Variants in PSMA1 observed in about 807,000 individuals in gnomAD.
PSMA1 encodes the protein proteasome 20S subunit alpha 1, also known as proteasome subunit alpha type-1.
PSMA1 carries 3 observed loss-of-function variants against 38.4 expected under a neutral mutation model. The ratio of observed to expected loss-of-function variants is 0.08; its 90% CI spans 0.04 to 0.20. The LOEUF (loss-of-function observed/expected upper bound fraction) is 0.20. Among genes scored for constraint, PSMA1 ranks in the 10% least tolerant of loss-of-function variants. The pLI is 1.00. For synonymous variants in PSMA1, 101 were observed against 107.1 expected (o/e 0.94, Z 0.35); for missense variants, 227 against 325.3 (o/e 0.70, Z 2.32).
intron 1 of PSMA1, among the ~76,000 whole-genome samples, chr11:14,615,841 C>T (rs1312088617): frequency 6.6e-6 from 1 of 152,086 alleles, no homozygotes. Context: ...GATCTGAATC[C>T]AGGGAAAGAA....
intron 1 of PSMA1, among the ~76,000 whole-genome samples, chr11:14,615,068 C>T (rs930375371): frequency 1.3e-5 from 2 of 152,160 alleles, no homozygotes; most frequent in African/African-American, 4.8e-5. Context: ...AATGGGATTG[C>T]TTGTCTGAAT....
upstream of PSMA1, among the ~76,000 whole-genome samples, chr11:14,521,052 A>G (rs1012381621): frequency 2.6e-5 from 4 of 152,160 alleles, no homozygotes; most frequent in South Asian, 2.1e-4. Context: ...GGTACCTGAC[A>G]GATTAGGCCA....
At chr11:14,536,885 G>T (rs1291344807) in intron 2 of PSMA1, among the ~76,000 whole-genome samples, 1 of 152,248 alleles carries the variant, frequency 6.6e-6, no homozygotes, top group African/African-American at 2.4e-5. Flanking sequence ...GAAGTGCTGG[G>T]ATTACAGGCG....
intron 1 of PSMA1, among the ~76,000 whole-genome samples, chr11:14,622,550 A>T (rs1852860346): frequency 6.6e-6 from 1 of 152,212 alleles, no homozygotes; most frequent in South Asian, 2.1e-4. Context: ...ACTTCAATGA[A>T]GTGTTTTAGG....
intron 2 of PSMA1, among the ~76,000 whole-genome samples, chr11:14,592,376 CTATATATA>C (rs71044013): frequency 4.1e-5 from 5 of 122,376 alleles, no homozygotes; most frequent in African/African-American, 1.6e-4. Context: ...CTCTCTCTCT[CTATATATA>C]TATATATATA....
chr11:14,584,089 A>G (rs1013917787), intron 2 of PSMA1, among the ~76,000 whole-genome samples: 3 of 152,208 alleles, frequency 2.0e-5, no homozygotes, highest in African/African-American at 7.2e-5. Context: ...AAAAAATTCT[A>G]TATTGGATCA....
chr11:14,633,069 G>C (rs1449874037), intron 1 of PSMA1, among the ~76,000 whole-genome samples: 2 of 151,424 alleles, frequency 1.3e-5, no homozygotes, highest in Admixed American at 1.3e-4. Context: ...CAACTTCTTT[G>C]CCTTTGGTTT....
intron 2 of PSMA1, chr11:14,610,839 T>C (rs1259926468): frequency 1.3e-5 from 12 of 940,426 alleles, no homozygotes; most frequent in Non-Finnish European, 1.7e-5. Context: ...TTTTTCTCTT[T>C]TTGTTTTCTA....
chr11:14,601,226 G>T (rs780879963), intron 2 of PSMA1, among the ~76,000 whole-genome samples: 1 of 152,140 alleles, frequency 6.6e-6, no homozygotes, highest in Admixed American at 6.5e-5. Flanking sequence ...TGCCTAAACT[G>T]GGGGGAGTGG....
intron 2 of PSMA1, among the ~76,000 whole-genome samples, chr11:14,544,935 G>A (rs547391013): frequency 1.1e-4 from 16 of 152,350 alleles, no homozygotes; most frequent in African/African-American, 3.4e-4. Context: ...ACCTAAACGT[G>A]CATCAACATT....
In PSMA1 at chr11:14,629,400, T is replaced by C. The variant is rs1446594102; in HGVS notation, c.-166+14055A>G. ...TTTCTACATATGGCTAGCCAGTTTT[T>C]CCAGCACCATTTATTAAATAGGGAA... On this transcript the variant is annotated intron_variant, in intron 1 of 10. Coordinates refer to the PSMA1 transcript ENST00000418988. 2.8e-3 allele frequency among the ~76,000 whole-genome samples: 421 copies of C among 152,186 alleles called. 2 individuals are homozygous for C. The highest frequency in any genetic ancestry group is 9.3e-3 in the African/African-American group (385 of 41,438).
Position 14,611,063 on chromosome 11 carries a change from C to A in PSMA1, c.-77G>T, listed in dbSNP as rs1277290621. On this transcript the variant is annotated 5_prime_UTR_variant, in exon 2 of 11. Transcript: ENST00000418988. ...GATTTGACTTGTCATTGTCTTTTCC[C>A]AGCCTTGGAGGGCCAAGGCCTTTAC... is the stretch of plus-strand genomic sequence containing the variant. The A allele has an allele frequency of 2.6e-6, 4 of 1,516,814 alleles. No individual in the cohort carries two copies. The East Asian group carries it at 9.1e-5, about 34-fold the overall frequency. The allele number at this position is 1,516,814 out of a possible 1,614,324, so 94.0% of individuals were successfully genotyped here.
intron 2 of PSMA1, among the ~76,000 whole-genome samples, chr11:14,535,297 G>A (rs550959420): frequency 1.3e-5 from 2 of 151,986 alleles, no homozygotes; most frequent in South Asian, 4.1e-4. Context: ...GTGACTAAAA[G>A]AGAGGCCTGT....
chr11:14,594,669 C>A (rs1048352283), intron 2 of PSMA1, among the ~76,000 whole-genome samples: 1 of 152,064 alleles, frequency 6.6e-6, no homozygotes, highest in Non-Finnish European at 1.5e-5. Context: ...AATTATTTTT[C>A]CATAGCACAA....
chr11:14,599,307 C>T (rs1264964615), intron 2 of PSMA1, among the ~76,000 whole-genome samples: 1 of 152,130 alleles, frequency 6.6e-6, no homozygotes, highest in African/African-American at 2.4e-5. Context: ...TGGGGAAGTT[C>T]TCCTGGATAA....
At chr11:14,593,772 T>A (rs1245277398) in intron 2 of PSMA1, among the ~76,000 whole-genome samples, 1 of 152,192 alleles carries the variant, frequency 6.6e-6, no homozygotes. Flanking sequence ...AGCAGAAAGT[T>A]AATTTTGGCA....
chr11:14,631,107 A>C (rs1853000777), intron 1 of PSMA1, among the ~76,000 whole-genome samples: 1 of 151,808 alleles, frequency 6.6e-6, no homozygotes, highest in South Asian at 2.1e-4. Context: ...TGATCCTTTC[A>C]AAAAACCAGC....
intron 1 of PSMA1, among the ~76,000 whole-genome samples, chr11:14,633,455 T>C (rs1430616428): frequency 2.0e-5 from 3 of 151,592 alleles, no homozygotes; most frequent in African/African-American, 7.3e-5. Context: ...TGCTCGGGGG[T>C]CAGGGGTCAG....
intron 9 of PSMA1, among the ~76,000 whole-genome samples, chr11:14,506,341 C>T (rs186483829): frequency 4.6e-5 from 7 of 152,198 alleles, no homozygotes; most frequent in Admixed American, 2.0e-4. Flanking sequence ...TTCTTTTCCC[C>T]TTTGCCAAAC....
Sources: gnomAD v4.1 joint callset for allele counts (sites outside exome capture counted in the v4.1 genomes callset) on GRCh38, gnomAD v4.1.1 for gene constraint, MANE v1.5 for transcripts, NCBI Gene and HGNC (gene_info 2026-07-23, HGNC 2026-07-21) for gene names.